ANGPT1: variants seen among roughly 807,000 people sequenced by gnomAD.
The protein encoded by ANGPT1 is angiopoietin-1.
In ANGPT1, 17 loss-of-function variants were observed where a neutral mutation model predicts 62.2. The observed-to-expected ratio is 0.27, with a 90% confidence interval of 0.19 to 0.41. ANGPT1 has a LOEUF of 0.41. Ranked by LOEUF, ANGPT1 falls within the 10% of genes least tolerant of loss-of-function variation. ANGPT1 has a pLI of 1.00. For synonymous variants in ANGPT1, 199 were observed against 198.9 expected, an observed-to-expected ratio of 1.00 and a Z score of 0.00; for missense variants, 478 against 594.9, an observed-to-expected ratio of 0.80 and a Z score of 2.04.
rs1210615750 is a variant in ANGPT1, at chr8:107,497,326, A to G, written c.233T>C (p.Phe78Ser). 7.4e-6 allele frequency: 12 copies of G among 1,614,162 alleles called. No individual in the cohort carries two copies. The highest frequency in any genetic ancestry group is 1.0e-5 in the Non-Finnish European group (12 of 1,180,004). The change falls in exon 1 of 9, where the codon TTC becomes TCC. Residue 78 changes from phenylalanine (F) to serine (S), a missense_variant. By Grantham distance (155) the Phe-to-Ser change is radical. This residue lies in a region of ANGPT1 where 343 missense variants were observed against 355.4 expected (regional missense o/e 0.97). Transcript: ENST00000517746. Reference protein sequence around the residue: ...QRDAPHVEPDFSSQKLQHLEH... With the variant: ...QRDAPHVEPDSSSQKLQHLEH... ...CAGATGTTGAAGTTTCTGGGAAGAG[A>G]AATCCGGTTCCACGTGTGGAGCATC...
intron 7 of ANGPT1, among the ~76,000 whole-genome samples, chr8:107,271,254 C>G (rs1321829720): frequency 6.6e-6 from 1 of 151,950 alleles, no homozygotes. Context: ...TGTAAAATAC[C>G]TCTATGTCCT....
chr8:107,328,970 G>A (rs770889804), intron 3 of ANGPT1, among the ~76,000 whole-genome samples: 3 of 151,824 alleles, frequency 2.0e-5, no homozygotes, highest in Non-Finnish European at 4.4e-5. Flanking sequence ...AAAATAGATT[G>A]CTACTCATTC....
At chr8:107,460,754 A>T (rs539291347) in intron 1 of ANGPT1, among the ~76,000 whole-genome samples, 4 of 152,336 alleles carry the variant, frequency 2.6e-5, no homozygotes, top group Non-Finnish European at 5.9e-5. Flanking sequence ...AAATAAGCCA[A>T]TTCCAGTTAT....
At chr8:107,438,094 A>G (rs1331454660) in intron 1 of ANGPT1, among the ~76,000 whole-genome samples, 1 of 152,176 alleles carries the variant, frequency 6.6e-6, no homozygotes, top group Non-Finnish European at 1.5e-5. Context: ...ACCCTCCACA[A>G]TGTTACCCAA....
chr8:107,281,244 T>C (rs1813997134), intron 7 of ANGPT1, among the ~76,000 whole-genome samples: 1 of 152,114 alleles, frequency 6.6e-6, no homozygotes, highest in Admixed American at 6.6e-5. Context: ...GGTTTAAACA[T>C]TAGGACCACA....
chr8:107,357,617 T>C (rs891561234), intron 1 of ANGPT1, among the ~76,000 whole-genome samples: 1 of 152,140 alleles, frequency 6.6e-6, no homozygotes, highest in East Asian at 1.9e-4. Flanking sequence ...ACTTCTCCTC[T>C]GACAAATGGC....
intron 1 of ANGPT1, among the ~76,000 whole-genome samples, chr8:107,481,119 G>C (rs749996446): frequency 6.6e-6 from 1 of 152,084 alleles, no homozygotes; most frequent in South Asian, 2.1e-4. Context: ...CACAATGCTC[G>C]TGCTAATTCA....
At chr8:107,431,769 C>G (rs1353098434) in intron 1 of ANGPT1, among the ~76,000 whole-genome samples, 1 of 151,818 alleles carries the variant, frequency 6.6e-6, no homozygotes, top group African/African-American at 2.4e-5. Context: ...TCATGCTAGG[C>G]ACTGAGGAAA....
chr8:107,322,475 G>T (rs1246343934), intron 3 of ANGPT1, among the ~76,000 whole-genome samples: 1 of 151,942 alleles, frequency 6.6e-6, no homozygotes, highest in Admixed American at 6.6e-5. Flanking sequence ...TAAAGAAATG[G>T]GCCTAAGAGG....
chr8:107,470,316 T>C (rs1034839037), intron 1 of ANGPT1, among the ~76,000 whole-genome samples: 1 of 152,114 alleles, frequency 6.6e-6, no homozygotes, highest in Non-Finnish European at 1.5e-5. Context: ...TTTCAAGGGC[T>C]TGAAACAAAG....
intron 1 of ANGPT1, among the ~76,000 whole-genome samples, chr8:107,474,010 A>C (rs1005538213): frequency 5.3e-5 from 8 of 152,166 alleles, no homozygotes; most frequent in Non-Finnish European, 1.2e-4. Flanking sequence ...CCAGAGGTAC[A>C]AGGAGGAGCT....
intron 1 of ANGPT1, among the ~76,000 whole-genome samples, chr8:107,404,559 T>C (rs1480167455): frequency 2.0e-5 from 3 of 151,120 alleles, no homozygotes; most frequent in Non-Finnish European, 4.4e-5. Flanking sequence ...CTCTCAACTA[T>C]TTTTTAGCAG....
Position 107,479,505 on chromosome 8 carries a change from A to T in ANGPT1, c.297+17757T>A, listed in dbSNP as rs955043508. Among the ~76,000 whole-genome samples the T allele has an allele frequency of 5.3e-5, 8 of 152,270 alleles. No homozygotes were observed. The East Asian group carries it at 1.5e-3, about 29-fold the overall frequency. On this transcript the variant is annotated intron_variant, in intron 1 of 8. Transcript: ENST00000517746. ...TCACTTAAGAAGGGGAAAATCTGGG[A>T]TAGATTTTACTGCAGGAATTTCAAA... is the stretch of plus-strand genomic sequence containing the variant.
At chr8:107,425,891 C>G (rs981885471) in intron 1 of ANGPT1, among the ~76,000 whole-genome samples, 7 of 152,156 alleles carry the variant, frequency 4.6e-5, no homozygotes, top group African/African-American at 1.7e-4. Flanking sequence ...CTCCAGCTCT[C>G]AACAGAAAGT....
intron 1 of ANGPT1, among the ~76,000 whole-genome samples, chr8:107,412,809 T>G (rs968516105): frequency 2.0e-5 from 3 of 152,158 alleles, no homozygotes; most frequent in Non-Finnish European, 1.5e-5. Context: ...AAGGGCTCTT[T>G]GGTATTTGCC....
At chr8:107,274,070 C>A (rs1373444182) in intron 7 of ANGPT1, among the ~76,000 whole-genome samples, 1 of 152,110 alleles carries the variant, frequency 6.6e-6, no homozygotes, top group African/African-American at 2.4e-5. Context: ...ATTAGCCCCA[C>A]AAGAGAAGGT....
chr8:107,291,061 C>A lies in ANGPT1; in HGVS notation c.1038+2875G>T, dbSNP rs975331516. 3.3e-5 allele frequency among the ~76,000 whole-genome samples: 5 copies of A among 152,098 alleles called. 1 individual carries two copies. The highest frequency in any genetic ancestry group is 1.2e-4 in the African/African-American group (5 of 41,426). The stretch of plus-strand genomic sequence containing the variant: ...TTAATAATAATGTATTTCAGATTAG[C>A]CTGAGTCTCTATCTACAGTCTGATT... On this transcript the variant is annotated intron_variant, in intron 6 of 8. Transcript: ENST00000517746.
intron 1 of ANGPT1, among the ~76,000 whole-genome samples, chr8:107,458,260 T>C (rs1163118598): frequency 6.6e-6 from 1 of 152,190 alleles, no homozygotes; most frequent in African/African-American, 2.4e-5. Context: ...AATGAGTTTA[T>C]TTATCTTTCA....
At chr8:107,471,410 G>T (rs992475073) in intron 1 of ANGPT1, among the ~76,000 whole-genome samples, 1 of 151,984 alleles carries the variant, frequency 6.6e-6, no homozygotes, top group African/African-American at 2.4e-5. Context: ...GTCAGGCTGT[G>T]GGGGGACTAG....
Sources: gnomAD v4.1 joint callset for allele counts (sites outside exome capture counted in the v4.1 genomes callset) on GRCh38, gnomAD v4.1.1 for gene constraint, gnomAD v4.1.1 regional missense constraint, MANE v1.5 for transcripts, NCBI Gene and HGNC (gene_info 2026-07-23, HGNC 2026-07-21) for gene names.